Variants in MTOR observed in about 807,000 individuals in gnomAD.
MTOR encodes mechanistic target of rapamycin kinase, also known as serine/threonine-protein kinase mTOR.
A neutral mutation model predicts 319.8 loss-of-function variants in MTOR; 70 were observed. The observed-to-expected ratio is 0.22, with a 90% CI of 0.18 to 0.27. The LOEUF (loss-of-function observed/expected upper bound fraction) is 0.27. MTOR is among the 10% of genes least tolerant of loss of function. The probability of loss-of-function intolerance (pLI) is 1.00; values close to 1 mark genes in which losing one functional copy is unlikely to be tolerated. For synonymous variants in MTOR, 1,183 were observed against 1,211.4 expected (o/e 0.98, Z 0.49); for missense variants, 1,890 against 3,274.4 (o/e 0.58, Z 10.32).
chr1:11,124,752 C>A (rs1350035458), intron 46 of MTOR, 119 bp from the exon 47 acceptor site: 1 of 1,143,004 alleles, frequency 8.7e-7, no homozygotes, highest in Admixed American at 2.9e-5. Flanking sequence ...TCACACGTTC[C>A]TCACAAAAAG....
intron 28 of MTOR, among the ~76,000 whole-genome samples, chr1:11,172,783 C>T (rs1406286825): frequency 6.7e-6 from 1 of 149,842 alleles, no homozygotes; most frequent in Non-Finnish European, 1.5e-5. Flanking sequence ...GCAGGAGGAT[C>T]ACTTGAACCC....
At chr1:11,150,367 A>T in intron 30 of MTOR, 141 bp from the exon 31 acceptor site, 1 of 635,430 alleles carries the variant, frequency 1.6e-6, no homozygotes, top group Non-Finnish European at 2.7e-6. Context: ...TAGGTCACAT[A>T]ATAGAGAATC....
In MTOR at chr1:11,107,329, T is replaced by C. The variant is rs1222056945; in HGVS notation, c.*156A>G. ...TCTTCAACAGCAGCTAGAAAGTTGG[T>C]TCAAACCAACTTTTAATATACAGTA... On this transcript the variant is annotated 3_prime_UTR_variant, in exon 58 of 58. Transcript: ENST00000361445. 1 of 1,508,416 alleles carries C rather than the reference T, an allele frequency of 6.6e-7. No homozygotes were observed. The highest frequency in any genetic ancestry group is 8.8e-7 in the Non-Finnish European group (1 of 1,132,180). The allele number at this position is 1,508,416 out of a possible 1,614,324, so 93.4% of individuals were successfully genotyped here. A position where few individuals can be genotyped will look rare whatever the true frequency, so the allele number is the denominator to read the frequency against.
At chr1:11,154,565 T>G (rs1308910671) in intron 30 of MTOR, among the ~76,000 whole-genome samples, 1 of 152,160 alleles carries the variant, frequency 6.6e-6, no homozygotes, top group African/African-American at 2.4e-5. Flanking sequence ...CTAAGTTCAC[T>G]AACATTAAAT....
Position 11,240,543 on chromosome 1 carries a change from C to A in MTOR, c.1546G>T (p.Ala516Ser). 1 of 1,613,760 alleles carries A rather than the reference C, an allele frequency of 6.2e-7. No homozygotes were observed. Among genetic ancestry groups the A allele is most frequent in the South Asian group, 1.1e-5 (1 of 91,014 alleles). Reference protein sequence around the residue: ...EPMLAVGLSPALTAVLYDLSR... With the variant: ...EPMLAVGLSPSLTAVLYDLSR... ...AGGTCGTAGAGCACTGCAGTGAGGG[C>A]AGGGCTGAGGGGAAGGAAACAAGTC... Residue 516 changes from alanine (A) to serine (S), a missense_variant, in exon 11 of 58, where the codon GCC becomes TCC. Physicochemically the swap from Ala to Ser is moderately conservative, Grantham distance 99. This residue lies in a region of MTOR where 418 missense variants were observed against 543.1 expected (regional missense o/e 0.77). Transcript: ENST00000361445.
At chr1:11,148,250 A>G (rs1644003062) in intron 31 of MTOR, among the ~76,000 whole-genome samples, 1 of 152,210 alleles carries the variant, frequency 6.6e-6, no homozygotes, top group South Asian at 2.1e-4. Context: ...TAATGATAAT[A>G]GAGCCAAAAT....
chr1:11,231,790 A>G (rs989966980), intron 16 of MTOR, among the ~76,000 whole-genome samples: 1 of 152,234 alleles, frequency 6.6e-6, no homozygotes, highest in African/African-American at 2.4e-5. Flanking sequence ...CAGTGGTGTG[A>G]TAACAGTTCA....
intron 54 of MTOR, among the ~76,000 whole-genome samples, chr1:11,112,602 T>C (rs913590550): frequency 5.9e-5 from 9 of 152,230 alleles, no homozygotes; most frequent in African/African-American, 2.2e-4. Flanking sequence ...CACTTTAAGT[T>C]ATGCCTCCTA....
At chr1:11,174,747 T>G (rs973565515) in intron 28 of MTOR, among the ~76,000 whole-genome samples, 1 of 152,226 alleles carries the variant, frequency 6.6e-6, no homozygotes, top group Admixed American at 6.5e-5. Flanking sequence ...ACTCTTGTTT[T>G]ACGGGGCAGC....
chr1:11,242,415 G>A (rs1010901387), intron 9 of MTOR, among the ~76,000 whole-genome samples: 8 of 143,280 alleles, frequency 5.6e-5, no homozygotes, highest in Admixed American at 1.5e-4. Context: ...CAGGAGAATC[G>A]CTTGAACCTG....
chr1:11,161,105 C>A (rs1432693392), intron 29 of MTOR, among the ~76,000 whole-genome samples: 2 of 152,210 alleles, frequency 1.3e-5, no homozygotes, highest in Non-Finnish European at 2.9e-5. Flanking sequence ...GCTTTTCCAA[C>A]GGTCTTAGCA....
intron 29 of MTOR, among the ~76,000 whole-genome samples, chr1:11,160,242 A>G (rs1417003983): frequency 6.6e-6 from 1 of 152,110 alleles, no homozygotes. Flanking sequence ...CTGTGATTAC[A>G]GGTATGCACC....
At chr1:11,151,898 C>A (rs1395556253) in intron 30 of MTOR, among the ~76,000 whole-genome samples, 1 of 152,168 alleles carries the variant, frequency 6.6e-6, no homozygotes, top group Non-Finnish European at 1.5e-5. Flanking sequence ...TTCTGTGCCA[C>A]AGGACCAAGG....
chr1:11,259,121 G>A lies in MTOR; in HGVS notation c.162+127C>T, dbSNP rs975243401. 3.5e-6 allele frequency: 4 copies of A among 1,133,894 alleles called. No individual in the cohort carries two copies. In the African/African-American group the frequency reaches 6.5e-5, roughly 18 times the overall value. 70.2% of individuals were successfully genotyped at this position (1,133,894 alleles called of 1,614,324 possible). A position where few individuals can be genotyped will look rare whatever the true frequency, so the allele number is the denominator to read the frequency against. ...GCATGTTTTATGGATGTGACAGGTT[G>A]GGTGCCTTTATAAAATAATCTCTGT... is the stretch of plus-strand genomic sequence containing the variant. On this transcript the variant is annotated intron_variant, in intron 2 of 57. Coordinates refer to ENST00000361445, the MANE Select transcript of MTOR (RefSeq NM_004958.4).
rs111835032 is a variant in MTOR at position 11,179,894 on chromosome 1, A to G, written c.4254-12377T>C. Among the ~76,000 whole-genome samples the G allele has an allele frequency of 2.1e-3, 326 of 152,334 alleles. 3 individuals carry two copies. The highest frequency in any genetic ancestry group is 7.0e-3 in the African/African-American group (292 of 41,566). On this transcript the variant is annotated intron_variant, in intron 28 of 57. Coordinates refer to ENST00000361445, the MANE Select transcript of MTOR (RefSeq NM_004958.4). ...ACTGGCCCTTCTGAAGTCAGCACGA[A>G]CATAGAAGTTTGGAATGTGGTTTTT...
At position 11,133,691 on chromosome 1, in the gene MTOR, A is replaced by G. The variant is rs965631653; in HGVS notation, c.5247-494T>C. Among the ~76,000 whole-genome samples the G allele has an allele frequency of 2.0e-5, 3 of 152,206 alleles. No homozygotes were observed. Among genetic ancestry groups the G allele is most frequent in the Non-Finnish European group, 4.4e-5 (3 of 68,038 alleles). On this transcript the variant is annotated intron_variant, in intron 37 of 57. Transcript: ENST00000361445. The surrounding 1 kb of genome is among the most constrained non-coding windows in gnomAD (Gnocchi z 4.0). ...TACTTTATACCACCCTAGGAAATAG[A>G]AACTGTTACTATCCCTTTTATATTG...
At chr1:11,251,635 A>G (rs1354188153) in intron 6 of MTOR, among the ~76,000 whole-genome samples, 1 of 147,496 alleles carries the variant, frequency 6.8e-6, no homozygotes, top group East Asian at 2.0e-4. Flanking sequence ...AAATTTTAAT[A>G]CCTTATATTT....
chr1:11,233,321 A>G, intron 15 of MTOR, 77 bp downstream of exon 15: 1 of 1,326,634 alleles, frequency 7.5e-7, no homozygotes. Context: ...AAAAAAAAAA[A>G]TAGTATTTTG....
Position 11,209,390 on chromosome 1 carries a change from T to C in MTOR, c.3723A>G (p.Gln1241=). The C allele has an allele frequency of 6.2e-7, 1 of 1,614,188 alleles. No individual in the cohort carries two copies. The highest frequency in any genetic ancestry group is 8.5e-7 in the Non-Finnish European group (1 of 1,180,022). ...IYQHRMLRSG[Q]GDALASGPVE... is the part of the protein sequence containing the mutation. Reference sequence around the variant, plus strand: ...CTGGTCCACTAGCCAATGCATCCCCTTGGCCACTCCTAAGCATCCGATGCT... The same window carrying C: ...CTGGTCCACTAGCCAATGCATCCCCCTGGCCACTCCTAAGCATCCGATGCT... The change falls in exon 25 of 58, where the codon CAA becomes CAG. Residue 1241 remains glutamine, a synonymous_variant. Transcript: ENST00000361445.
Sources: gnomAD v4.1 joint callset for allele counts (sites outside exome capture counted in the v4.1 genomes callset) on GRCh38, gnomAD v4.1.1 for gene constraint, gnomAD v4.1.1 regional missense constraint, Gnocchi (gnomAD v3.1) non-coding constraint, MANE v1.5 for transcripts, NCBI Gene and HGNC (gene_info 2026-07-23, HGNC 2026-07-21) for gene names.